Variants in TRPM3 observed in about 807,000 individuals in gnomAD.
TRPM3 encodes the protein long transient receptor potential channel 3.
TRPM3 carries 77 observed loss-of-function variants against 181.2 expected under a neutral mutation model. The observed-to-expected ratio is 0.42, with a 90% CI of 0.35 to 0.51. The LOEUF (loss-of-function observed/expected upper bound fraction) is 0.51, where lower values mean the gene tolerates loss of function less well. TRPM3 is among the 20% of genes least tolerant of loss of function. The pLI is 0.01. For synonymous variants in TRPM3, 745 were observed against 796.4 expected, an observed-to-expected ratio of 0.94 and a Z score of 1.09; for missense variants, 1,759 against 2,196.7, an observed-to-expected ratio of 0.80 and a Z score of 3.98.
chr9:70,611,634 C>CAGTT (rs1423593837), intron 18 of TRPM3, among the ~76,000 whole-genome samples: 4 of 152,196 alleles, frequency 2.6e-5, no homozygotes, highest in Non-Finnish European at 5.9e-5. Context: ...GGGACTAAAA[C>CAGTT]AGTTAGCGAC....
intron 6 of TRPM3, among the ~76,000 whole-genome samples, chr9:70,814,726 A>C (rs561421205): frequency 3.3e-5 from 5 of 152,242 alleles, no homozygotes; most frequent in Admixed American, 1.3e-4. Flanking sequence ...AAAAGAAGGT[A>C]TGTCAAACAC....
At chr9:71,228,938 G>T (rs1183977267) in intron 1 of TRPM3, among the ~76,000 whole-genome samples, 4 of 152,032 alleles carry the variant, frequency 2.6e-5, no homozygotes, top group African/African-American at 9.7e-5. Context: ...AAATACCAAT[G>T]ACATTCTTCA....
chr9:70,772,571 C>T (rs1014430167), intron 7 of TRPM3, among the ~76,000 whole-genome samples: 2 of 152,162 alleles, frequency 1.3e-5, no homozygotes, highest in African/African-American at 4.8e-5. Context: ...GATCCACCTG[C>T]CTCGGCATCC....
At chr9:71,032,082 TATATATA>T (rs1325173881) in intron 1 of TRPM3, among the ~76,000 whole-genome samples, 52,447 of 63,320 alleles carry the variant, frequency 0.83, 21,828 homozygotes, top group African/African-American at 0.92. Flanking sequence ...TTATATTATA[TATATATA>T]ATTATATAAT....
At chr9:71,244,419 C>G (rs1220978121) in intron 1 of TRPM3, among the ~76,000 whole-genome samples, 1 of 152,148 alleles carries the variant, frequency 6.6e-6, no homozygotes, top group African/African-American at 2.4e-5. Context: ...TTCCAGTGCT[C>G]ATACTCTCAG....
At chr9:71,420,649 GAGAAAGAAAA>G (rs374643613) in intron 1 of TRPM3, among the ~76,000 whole-genome samples, 21,302 of 125,280 alleles carry the variant, frequency 0.17, 2,481 homozygotes, top group Non-Finnish European at 0.25. Context: ...GAGAGAGAAA[GAGAAAGAAAA>G]AGAGAAAGAA....
At chr9:70,564,215 AT>A (rs2049937297) in intron 22 of TRPM3, among the ~76,000 whole-genome samples, 1 of 152,186 alleles carries the variant, frequency 6.6e-6, no homozygotes, top group Non-Finnish European at 1.5e-5. Context: ...ATAGGATTAG[AT>A]AAGTTCTTTC....
chr9:70,863,221 A>C (rs573589181), intron 2 of TRPM3, 109 bp from the exon 3 acceptor site: 1 of 851,756 alleles, frequency 1.2e-6, no homozygotes, highest in Admixed American at 2.7e-5. Flanking sequence ...CCTGTCAGTC[A>C]ATTCTCAGGA....
chr9:71,281,642 A>G (rs1204787558), intron 1 of TRPM3, among the ~76,000 whole-genome samples: 1 of 152,184 alleles, frequency 6.6e-6, no homozygotes, highest in Non-Finnish European at 1.5e-5. Context: ...TACTTTTCAT[A>G]TTATTTTAGA....
chr9:70,917,220 A>T, intron 1 of TRPM3: 1 of 1,584,690 alleles, frequency 6.3e-7, no homozygotes, highest in Non-Finnish European at 8.7e-7. Context: ...TGGATTGCAA[A>T]ATACAGGGCA....
intron 9 of TRPM3, among the ~76,000 whole-genome samples, chr9:70,645,472 T>C (rs1315916064): frequency 1.3e-5 from 2 of 152,154 alleles, no homozygotes; most frequent in Non-Finnish European, 1.5e-5. Flanking sequence ...GATTCCCTAT[T>C]TAATAAATGG....
chr9:71,286,888 A>G (rs1345160965), intron 1 of TRPM3, among the ~76,000 whole-genome samples: 1 of 145,036 alleles, frequency 6.9e-6, no homozygotes, highest in Non-Finnish European at 1.5e-5. Context: ...CAAACCTCAA[A>G]TATCACCTCT....
chr9:71,414,695 C>A (rs2093611024), intron 1 of TRPM3, among the ~76,000 whole-genome samples: 1 of 152,034 alleles, frequency 6.6e-6, no homozygotes, highest in South Asian at 2.1e-4. Flanking sequence ...TACTAGCTTA[C>A]TGGAGAGGCA....
At chr9:70,769,209 TC>T (rs1564197535) in intron 7 of TRPM3, among the ~76,000 whole-genome samples, 3 of 152,154 alleles carry the variant, frequency 2.0e-5, no homozygotes, top group African/African-American at 7.2e-5. Context: ...ATGGTCTTGC[TC>T]CACAGCTAGG....
In TRPM3 at chr9:70,545,577, C is replaced by T. The variant is rs114301947; in HGVS notation, c.3707+3965G>A. On this transcript the variant is annotated intron_variant, in intron 25 of 25. Coordinates refer to ENST00000677713, the MANE Select transcript of TRPM3 (RefSeq NM_001366145.2). ...TTTTTTTTTTTTTGAAGTGGAGTCTCGCTCTGTCGTCCAGGCTAGAGCGCA... is the reference window on the plus strand; with the variant it reads ...TTTTTTTTTTTTTGAAGTGGAGTCTTGCTCTGTCGTCCAGGCTAGAGCGCA... Among the ~76,000 whole-genome samples the T allele has an allele frequency of 3.3e-3, 293 of 88,834 alleles. 1 individual carries two copies. Among genetic ancestry groups the T allele is most frequent in the African/African-American group, 0.011 (270 of 23,924 alleles). The allele number at this position is 88,834 out of a possible 152,430, so 58.3% of individuals were successfully genotyped here.
intron 7 of TRPM3, among the ~76,000 whole-genome samples, chr9:70,768,443 G>A (rs1184432220): frequency 6.6e-6 from 1 of 151,994 alleles, no homozygotes; most frequent in Non-Finnish European, 1.5e-5. Flanking sequence ...TAATATGTGT[G>A]TATGCTTGGG....
intron 1 of TRPM3, among the ~76,000 whole-genome samples, chr9:71,237,618 G>T (rs1454232357): frequency 6.6e-6 from 1 of 152,004 alleles, no homozygotes; most frequent in African/African-American, 2.4e-5. Context: ...ACTCTCCCAA[G>T]CAGAAATATC....
chr9:70,682,390 T>A (rs571734816), intron 8 of TRPM3, among the ~76,000 whole-genome samples: 1 of 152,210 alleles, frequency 6.6e-6, no homozygotes, highest in Admixed American at 6.5e-5. Context: ...AGCAATCCAG[T>A]TCCATAACTC....
chr9:70,877,446 A>G (rs1276315940), intron 1 of TRPM3, among the ~76,000 whole-genome samples: 2 of 152,022 alleles, frequency 1.3e-5, no homozygotes, highest in Admixed American at 6.6e-5. Context: ...GGATTACTGG[A>G]AATTTGATAT....
Sources: gnomAD v4.1 joint callset for allele counts (sites outside exome capture counted in the v4.1 genomes callset) on GRCh38, gnomAD v4.1.1 for gene constraint, MANE v1.5 for transcripts, NCBI Gene and HGNC (gene_info 2026-07-23, HGNC 2026-07-21) for gene names.